Variants in RGS22 observed in about 807,000 individuals in gnomAD.
RGS22 encodes the protein regulator of G protein signaling 22.
Under a neutral mutation model 172.9 loss-of-function variants are expected in RGS22, and 148 were observed. That is an observed-to-expected ratio of 0.86 (90% CI 0.75 to 0.98). The LOEUF (loss-of-function observed/expected upper bound fraction) is 0.98, where lower values mean the gene tolerates loss of function less well. Among genes scored for constraint, RGS22 ranks in the 50% least tolerant of loss-of-function variants. The pLI is 0.00. For missense variants in RGS22, 1,347 were observed against 1,440.8 expected, an observed-to-expected ratio of 0.93 and a Z score of 1.05; for synonymous variants, 458 against 480.2, an observed-to-expected ratio of 0.95 and a Z score of 0.60.
chr8:100,032,018 C>T (rs1293381086), intron 14 of RGS22, among the ~76,000 whole-genome samples: 1 of 152,118 alleles, frequency 6.6e-6, no homozygotes, highest in Admixed American at 6.6e-5. Flanking sequence ...CTGAAGGAAG[C>T]ACTAAACATG....
At chr8:100,011,570 G>A (rs1272167822) in intron 14 of RGS22, among the ~76,000 whole-genome samples, 1 of 152,012 alleles carries the variant, frequency 6.6e-6, no homozygotes, top group African/African-American at 2.4e-5. Flanking sequence ...TGGAAGTCTC[G>A]CAATGATGAG....
chr8:99,977,270 ATTT>A (rs895569407), intron 23 of RGS22, among the ~76,000 whole-genome samples: 7 of 120,368 alleles, frequency 5.8e-5, no homozygotes, highest in African/African-American at 1.9e-4. Flanking sequence ...CGCCCGGTTA[ATTT>A]TTTTTTTTTT....
intron 9 of RGS22, among the ~76,000 whole-genome samples, chr8:100,056,894 C>T (rs1466201270): frequency 1.3e-5 from 2 of 152,302 alleles, no homozygotes; most frequent in East Asian, 3.9e-4. Flanking sequence ...GAGAAGAGGG[C>T]CACCATCCTC....
intron 23 of RGS22, among the ~76,000 whole-genome samples, chr8:99,967,040 G>A (rs925226685): frequency 6.6e-6 from 1 of 152,138 alleles, no homozygotes; most frequent in Non-Finnish European, 1.5e-5. Flanking sequence ...ATCTCATTGG[G>A]ACCAGTTAGA....
chr8:100,070,162 T>C (rs555984055), intron 6 of RGS22, among the ~76,000 whole-genome samples: 2 of 152,124 alleles, frequency 1.3e-5, no homozygotes, highest in African/African-American at 4.8e-5. Flanking sequence ...AGAGTTCTTT[T>C]TAGGTTTCCA....
At chr8:99,980,857 C>T (rs1376616720) in intron 22 of RGS22, among the ~76,000 whole-genome samples, 1 of 152,178 alleles carries the variant, frequency 6.6e-6, no homozygotes, top group African/African-American at 2.4e-5. Context: ...CTAGGTTAAG[C>T]TATCTCTAAG....
At chr8:100,009,575 A>C (rs1816144332) in intron 14 of RGS22, among the ~76,000 whole-genome samples, 1 of 152,190 alleles carries the variant, frequency 6.6e-6, no homozygotes, top group South Asian at 2.1e-4. Context: ...ATTTTGTTTA[A>C]AAAATGTTTG....
chr8:100,105,355 C>T lies in RGS22; in HGVS notation c.54+19G>A. ...TTTAAAGGCCAAAGAAAAAAATAGC[C>T]CCTTGAAATGATACTTACAAATTCT... On this transcript the variant is annotated intron_variant, in intron 2 of 27. Coordinates refer to ENST00000360863, the MANE Select transcript of RGS22 (RefSeq NM_015668.5). 6.3e-7 allele frequency: 1 copy of T among 1,596,700 alleles called. No homozygotes were observed. The highest frequency in any genetic ancestry group is 8.6e-7 in the Non-Finnish European group (1 of 1,165,102).
Position 100,093,225 on chromosome 8 carries a change from T to C in RGS22, c.117+222A>G, listed in dbSNP as rs117620436. 9.9e-3 allele frequency: 4,318 copies of C among 436,956 alleles called. 31 individuals carry two copies. The highest frequency in any genetic ancestry group is 0.028 in the Middle Eastern group (43 of 1,536). 27.1% of individuals were successfully genotyped at this position (436,956 alleles called of 1,614,324 possible). On this transcript the variant is annotated intron_variant, in intron 3 of 27. Coordinates refer to ENST00000360863, the MANE Select transcript of RGS22 (RefSeq NM_015668.5). ...AACCAGAGTTTGTACAGAATGCTTTTTAATGGTTAGAAAAACTCCAGATTT... is the reference window on the plus strand; with the variant it reads ...AACCAGAGTTTGTACAGAATGCTTTCTAATGGTTAGAAAAACTCCAGATTT...
At chr8:100,096,048 T>C (rs958874052) in intron 2 of RGS22, among the ~76,000 whole-genome samples, 1 of 152,174 alleles carries the variant, frequency 6.6e-6, no homozygotes, top group Non-Finnish European at 1.5e-5. Flanking sequence ...GTTCAAAATA[T>C]CTTGTCACAT....
chr8:100,075,815 T>C (rs1586217270), intron 4 of RGS22, among the ~76,000 whole-genome samples: 1 of 152,244 alleles, frequency 6.6e-6, no homozygotes, highest in East Asian at 1.9e-4. Flanking sequence ...TTTTCCAAAG[T>C]AGCTGTACTG....
intron 23 of RGS22, among the ~76,000 whole-genome samples, chr8:99,975,056 G>T (rs915085666): frequency 1.3e-5 from 2 of 151,904 alleles, no homozygotes; most frequent in African/African-American, 4.8e-5. Flanking sequence ...TGAGGCAGAA[G>T]AATCGCTTGA....
At chr8:100,017,162 C>G (rs1477945374) in intron 14 of RGS22, among the ~76,000 whole-genome samples, 1 of 151,876 alleles carries the variant, frequency 6.6e-6, no homozygotes, top group East Asian at 1.9e-4. Context: ...TTTGTAGAGA[C>G]AAGGTCTCAT....
At chr8:100,027,612 A>T (rs1353466848) in intron 14 of RGS22, among the ~76,000 whole-genome samples, 2 of 152,026 alleles carry the variant, frequency 1.3e-5, no homozygotes, top group Non-Finnish European at 2.9e-5. Context: ...CCTTCTGAGT[A>T]ACTGGGAATA....
At chr8:100,009,223 G>A (rs1338528349) in intron 14 of RGS22, among the ~76,000 whole-genome samples, 1 of 152,028 alleles carries the variant, frequency 6.6e-6, no homozygotes, top group African/African-American at 2.4e-5. Flanking sequence ...TTCAAGATGA[G>A]CCTGGCCAAT....
At chr8:100,105,238 C>A in intron 2 of RGS22, 136 bp downstream of exon 2, 1 of 691,614 alleles carries the variant, frequency 1.4e-6, no homozygotes, top group Non-Finnish European at 2.6e-6. Flanking sequence ...ATCTTGTACA[C>A]AGTTATTACA....
At position 100,062,679 on chromosome 8, in the gene RGS22, T is replaced by G. The variant is rs1173817765; in HGVS notation, c.1426A>C (p.Lys476Gln). 1 of 1,598,986 alleles carries G rather than the reference T, an allele frequency of 6.3e-7. No homozygotes were observed. The highest frequency in any genetic ancestry group is 8.5e-7 in the Non-Finnish European group (1 of 1,173,778). Reference protein sequence around the residue: ...DYYLSAEILSKFKLLDGSQWN... With the variant: ...DYYLSAEILSQFKLLDGSQWN... ...TGTGATCCATCTAACAGTTTAAATT[T>G]TGATAAGATTTCTGCAGAAAGGTAG... The change falls in exon 9 of 28, where the codon AAA becomes CAA. Residue 476 changes from lysine (K) to glutamine (Q), a missense_variant. By Grantham distance (53) the Lys-to-Gln change is moderately conservative. Coordinates refer to ENST00000360863, the MANE Select transcript of RGS22 (RefSeq NM_015668.5).
At chr8:99,966,985 A>G (rs1810805435) in intron 23 of RGS22, among the ~76,000 whole-genome samples, 1 of 152,126 alleles carries the variant, frequency 6.6e-6, no homozygotes, top group South Asian at 2.1e-4. Flanking sequence ...CAAGACCAAC[A>G]CAGAAGGAGG....
At chr8:99,965,529 T>G (rs1810641860) in intron 23 of RGS22, 99 bp from the exon 24 acceptor site, 1 of 823,832 alleles carries the variant, frequency 1.2e-6, no homozygotes, top group African/African-American at 1.7e-5. Flanking sequence ...ACATAATATT[T>G]CATAGTGAGT....
Sources: allele counts gnomAD v4.1 joint callset (sites outside exome capture counted in the v4.1 genomes callset), GRCh38; gene constraint gnomAD v4.1.1; transcripts MANE v1.5; gene names NCBI Gene and HGNC (gene_info 2026-07-23, HGNC 2026-07-21).